The following MYO5A variants were observed in gnomAD, a reference collection of about 807,000 sequenced individuals.
MYO5A encodes the protein unconventional myosin-Va.
A neutral mutation model predicts 249.7 loss-of-function variants in MYO5A; 98 were observed. The observed-to-expected ratio is 0.39, with a 90% CI of 0.33 to 0.46. The LOEUF is 0.46. Ranked by LOEUF, MYO5A falls within the 20% of genes least tolerant of loss-of-function variation. MYO5A has a pLI of 0.98. For missense variants in MYO5A, 1,696 were observed against 2,308.8 expected (o/e 0.73, Z 5.44); for synonymous variants, 778 against 810.6 (o/e 0.96, Z 0.68).
rs766215719 is a variant in MYO5A at position 52,376,349 on chromosome 15, T to C, written c.2418A>G (p.Arg806=). The C allele has an allele frequency of 3.7e-6, 6 of 1,613,764 alleles. No homozygotes were observed. The highest frequency in any genetic ancestry group is 5.1e-6 in the Non-Finnish European group (6 of 1,179,848). ...MQRYVRGYQA[R]CYAKFLRRTK... ...TACTCTGTCCCCAGGAGACCTACCA[T>C]CGGGCCTGGTAGCCCCGCACGTATC... The change falls in exon 19 of 42, where the codon CGA becomes CGG. Residue 806 remains arginine (R), a splice_region_variant and synonymous_variant. Transcript: ENST00000399233.
At chr15:52,314,401 G>C (rs997649481) in intron 40 of MYO5A, among the ~76,000 whole-genome samples, 198 bp from the exon 41 acceptor site, 35 of 152,338 alleles carry the variant, frequency 2.3e-4, no homozygotes, top group Middle Eastern at 3.4e-3. Context: ...TCAATGTAAT[G>C]TTTGTGTAAT....
At chr15:52,499,928 A>G (rs1009153575) in intron 1 of MYO5A, among the ~76,000 whole-genome samples, 19 of 152,082 alleles carry the variant, frequency 1.2e-4, no homozygotes, top group Admixed American at 1.2e-3. Context: ...CACACCTGTA[A>G]CCCCAGTGCT....
chr15:52,319,927 G>A lies in MYO5A; in HGVS notation c.4952-585C>T, dbSNP rs140600401. On this transcript the variant is annotated intron_variant, in intron 38 of 41. Coordinates refer to ENST00000399233, the MANE Select transcript of MYO5A (RefSeq NM_001382347.1). Reference sequence around the variant, plus strand: ...AGTAGCCTTGTGATAGAACAAGTGTGTGTGTCTTGGGTGGGCTTTTGAGAG... The same window carrying A: ...AGTAGCCTTGTGATAGAACAAGTGTATGTGTCTTGGGTGGGCTTTTGAGAG... 1.6e-4 allele frequency among the ~76,000 whole-genome samples: 24 copies of A among 152,358 alleles called. No homozygotes were observed. The East Asian group carries it at 4.1e-3, about 26-fold the overall frequency.
At chr15:52,406,600 C>CA (rs1244124263) in intron 8 of MYO5A, among the ~76,000 whole-genome samples, 1 of 152,086 alleles carries the variant, frequency 6.6e-6, no homozygotes, top group Non-Finnish European at 1.5e-5. Flanking sequence ...GGGTACTACT[C>CA]AAAATGCCAT....
chr15:52,361,576 G>A (rs1261600226), intron 24 of MYO5A, among the ~76,000 whole-genome samples: 1 of 151,756 alleles, frequency 6.6e-6, no homozygotes, highest in African/African-American at 2.4e-5. Context: ...TTCATCATCA[G>A]GAAAAAAAGG....
At position 52,367,864 on chromosome 15, in the gene MYO5A, T is replaced by C. The variant is rs1350990901; in HGVS notation, c.3067-740A>G. On this transcript the variant is annotated intron_variant, in intron 22 of 41. Transcript: ENST00000399233. ...AATGGTAAATTTTATGTCATGTATA[T>C]TTTAAAACACACACACACACACACA... 2.5e-5 allele frequency among the ~76,000 whole-genome samples: 3 copies of C among 121,038 alleles called. No individual in the cohort carries two copies. The East Asian group carries it at 6.6e-4, about 27-fold the overall frequency. 79.4% of individuals were successfully genotyped at this position (121,038 alleles called of 152,430 possible).
chr15:52,394,591 G>A (rs928708817), intron 11 of MYO5A, among the ~76,000 whole-genome samples: 1 of 152,132 alleles, frequency 6.6e-6, no homozygotes, highest in Non-Finnish European at 1.5e-5. Flanking sequence ...AATGTAAGGG[G>A]GTATGTGAAG....
At chr15:52,493,482 G>GT (rs2076975647) in intron 1 of MYO5A, among the ~76,000 whole-genome samples, 1 of 151,922 alleles carries the variant, frequency 6.6e-6, no homozygotes, top group Admixed American at 6.6e-5. Context: ...GGCCAACACC[G>GT]TGAAACTCCG....
chr15:52,505,620 A>G (rs535443234), intron 1 of MYO5A: 1 of 1,369,118 alleles, frequency 7.3e-7, no homozygotes, highest in Non-Finnish European at 1.0e-6. Context: ...CCATCTTATT[A>G]GATGTGAAAT....
chr15:52,419,722 G>A (rs2043695453), intron 4 of MYO5A, among the ~76,000 whole-genome samples: 1 of 152,088 alleles, frequency 6.6e-6, no homozygotes, highest in African/African-American at 2.4e-5. Flanking sequence ...CCTGTCACAT[G>A]GCTATCAGAT....
intron 25 of MYO5A, among the ~76,000 whole-genome samples, chr15:52,357,299 TA>T (rs1466122298): frequency 6.6e-6 from 1 of 152,112 alleles, no homozygotes; most frequent in Non-Finnish European, 1.5e-5. Flanking sequence ...TACACTGTCA[TA>T]GAACCTTTCA....
intron 11 of MYO5A, among the ~76,000 whole-genome samples, chr15:52,396,017 A>G (rs1314198656): frequency 6.6e-6 from 1 of 152,220 alleles, no homozygotes; most frequent in Admixed American, 6.5e-5. Flanking sequence ...AAACTGAAAG[A>G]TATCCTTGGG....
At chr15:52,508,473 A>G (rs1353643733) in intron 1 of MYO5A, among the ~76,000 whole-genome samples, 3 of 152,034 alleles carry the variant, frequency 2.0e-5, no homozygotes, top group Non-Finnish European at 4.4e-5. Flanking sequence ...AAGTAGAAAC[A>G]TAAATATACA....
intron 28 of MYO5A, among the ~76,000 whole-genome samples, chr15:52,349,645 TTG>T (rs980816326): frequency 4.3e-4 from 66 of 152,374 alleles, no homozygotes; most frequent in African/African-American, 1.5e-3. Flanking sequence ...CTAAAATTTC[TTG>T]TGAGATTACC....
intron 1 of MYO5A, among the ~76,000 whole-genome samples, chr15:52,507,885 A>G (rs966926374): frequency 2.6e-5 from 4 of 152,142 alleles, no homozygotes; most frequent in Admixed American, 2.6e-4. Context: ...AGATTTTTAT[A>G]AATTATTTAA....
At position 52,313,761 on chromosome 15, in the gene MYO5A, A is replaced by G. The variant is rs747319127; in HGVS notation, c.5578T>C (p.Ser1860Pro). The G allele has an allele frequency of 1.2e-6, 2 of 1,614,140 alleles. No homozygotes were observed. Among genetic ancestry groups the G allele is most frequent in the Non-Finnish European group, 1.7e-6 (2 of 1,180,012 alleles). The change falls in exon 42 of 42, where the codon TCC becomes CCC. Residue 1860 changes from serine (S) to proline (P), a missense_variant. Transcript: ENST00000399233. ...ATCTGGATGGTTTCTAGTGCGAGGGAAGATGGGTTGAAAGGAAAGGTGACA... is the reference window on the plus strand; with the variant it reads ...ATCTGGATGGTTTCTAGTGCGAGGGGAGATGGGTTGAAAGGAAAGGTGACA... The part of the protein sequence containing the change: ...FPVTFPFNPS[S>P]LALETIQIPA...
intron 8 of MYO5A, among the ~76,000 whole-genome samples, chr15:52,405,732 G>A (rs538272872): frequency 6.1e-4 from 93 of 152,252 alleles, no homozygotes; most frequent in African/African-American, 2.2e-3. Flanking sequence ...TTCAAAGTAT[G>A]TGAAGATTAA....
intron 5 of MYO5A, among the ~76,000 whole-genome samples, chr15:52,411,583 C>T (rs1453281206): frequency 6.6e-6 from 1 of 150,944 alleles, no homozygotes; most frequent in Admixed American, 6.6e-5. Context: ...TTACATAATG[C>T]ATATATTAAA....
chr15:52,381,945 C>G (rs931969254), intron 16 of MYO5A, among the ~76,000 whole-genome samples: 2 of 152,212 alleles, frequency 1.3e-5, no homozygotes, highest in Non-Finnish European at 2.9e-5. Context: ...TCTTGTCCCG[C>G]AGGCTAGAGT....
Sources: gnomAD v4.1 joint callset for allele counts (sites outside exome capture counted in the v4.1 genomes callset) on GRCh38, gnomAD v4.1.1 for gene constraint, MANE v1.5 for transcripts, NCBI Gene and HGNC (gene_info 2026-07-23, HGNC 2026-07-21) for gene names.